The following PCP4 variants were observed in gnomAD, a reference collection of about 807,000 sequenced individuals.
The protein encoded by PCP4 is Purkinje cell protein 4.
A neutral mutation model predicts 10.0 loss-of-function variants in PCP4; 8 were observed. The observed-to-expected ratio is 0.80, with a 90% confidence interval of 0.47 to 1.45. The LOEUF is 1.45. Ranked by LOEUF, PCP4 falls within the 40% of genes most tolerant of loss-of-function variation. The probability of loss-of-function intolerance (pLI) is 0.00; values close to 1 mark genes in which losing one functional copy is unlikely to be tolerated. For synonymous variants in PCP4, 21 were observed against 23.0 expected (o/e 0.91, Z 0.24); for missense variants, 54 against 74.4 (o/e 0.73, Z 1.01).
chr21:39,900,477 A>T (rs1374171352), intron 2 of PCP4, among the ~76,000 whole-genome samples: 2 of 152,158 alleles, frequency 1.3e-5, no homozygotes, highest in Non-Finnish European at 2.9e-5. Context: ...TGAAGAAAAG[A>T]CCTGGAGCCA....
chr21:39,883,719 A>T (rs1218366921), intron 1 of PCP4: 1 of 152,208 alleles, frequency 6.6e-6, no homozygotes, highest in Admixed American at 6.5e-5. Flanking sequence ...TGAGGAGCAG[A>T]ATCATTTATT....
intron 1 of PCP4, among the ~76,000 whole-genome samples, chr21:39,881,388 A>G (rs987721170): frequency 6.6e-6 from 1 of 152,234 alleles, no homozygotes; most frequent in African/African-American, 2.4e-5. Flanking sequence ...TTGCGGGAAC[A>G]GTGGCATTAG....
chr21:39,876,246 C>G (rs2087345084), intron 1 of PCP4, among the ~76,000 whole-genome samples: 1 of 152,116 alleles, frequency 6.6e-6, no homozygotes. Context: ...AGCCAAGACT[C>G]TGCACCCATT....
rs1475443806 is a variant in PCP4 at position 39,867,492 on chromosome 21, T to C, written c.-10T>C. ...GAGCGGCGGGACTGAGCTGTTGAGT[T>C]AGAGCCAACATGAGTGAGGTGAGTG... On this transcript the variant is annotated 5_prime_UTR_variant, in exon 1 of 3. Coordinates refer to ENST00000328619, the MANE Select transcript of PCP4 (RefSeq NM_006198.3). 6.2e-7 allele frequency: 1 copy of C among 1,614,150 alleles called. No homozygotes were observed. The highest frequency in any genetic ancestry group is 8.5e-7 in the Non-Finnish European group (1 of 1,179,990).
chr21:39,920,063 G>C (rs2087588207), intron 2 of PCP4, among the ~76,000 whole-genome samples: 2 of 145,070 alleles, frequency 1.4e-5, no homozygotes, highest in Middle Eastern at 4.2e-3. Context: ...TGTGTAGGGT[G>C]TGTTTGTGTG....
chr21:39,908,967 T>C (rs897353709), intron 2 of PCP4, among the ~76,000 whole-genome samples: 3 of 152,240 alleles, frequency 2.0e-5, no homozygotes, highest in Admixed American at 6.5e-5. Flanking sequence ...CATCTCCTTA[T>C]TTAAATTGCA....
chr21:39,911,006 C>T (rs775289954), intron 2 of PCP4, among the ~76,000 whole-genome samples: 11 of 151,368 alleles, frequency 7.3e-5, no homozygotes, highest in Non-Finnish European at 1.0e-4. Context: ...GGGCGCTTGT[C>T]GAATTCTGAC....
intron 1 of PCP4, among the ~76,000 whole-genome samples, chr21:39,881,259 T>C (rs1372832967): frequency 6.6e-6 from 1 of 152,140 alleles, no homozygotes; most frequent in Non-Finnish European, 1.5e-5. Context: ...TGTTTATTAT[T>C]ATACCAAAAA....
intron 1 of PCP4, among the ~76,000 whole-genome samples, chr21:39,870,176 C>T (rs2087313078): frequency 6.6e-6 from 1 of 152,236 alleles, no homozygotes; most frequent in Admixed American, 6.5e-5. Context: ...GGCAGCTTTA[C>T]AACAAGACGT....
intron 2 of PCP4, among the ~76,000 whole-genome samples, chr21:39,910,997 G>A (rs2087537261): frequency 6.6e-6 from 1 of 151,850 alleles, no homozygotes; most frequent in African/African-American, 2.4e-5. Context: ...ATTGTCTTTG[G>A]GCGCTTGTCG....
Position 39,877,653 on chromosome 21 carries a change from T to C in PCP4, c.9+10143T>C, listed in dbSNP as rs759388566. 2.0e-3 allele frequency among the ~76,000 whole-genome samples: 302 copies of C among 152,124 alleles called. 4 individuals are homozygous for C. Among genetic ancestry groups the C allele is most frequent in the Non-Finnish European group, 2.9e-4 (20 of 68,000 alleles). On this transcript the variant is annotated intron_variant, in intron 1 of 2. Transcript: ENST00000328619. ...TGGAGGTTGCAGTGAGCCATGATCA[T>C]GCCACTGCACTCCAGCCTGGACAAC...
Position 39,897,161 on chromosome 21 carries a change from G to C in PCP4, c.10-1315G>C, listed in dbSNP as rs559323429. The stretch of plus-strand genomic sequence containing the variant: ...TCCCAGCACTTTGGGAGGCCGAGGC[G>C]GGTGGATCATGGGGTCACGAGTTCG... On this transcript the variant is annotated intron_variant, in intron 1 of 2. Coordinates refer to ENST00000328619, the MANE Select transcript of PCP4 (RefSeq NM_006198.3). 1.1e-4 allele frequency among the ~76,000 whole-genome samples: 17 copies of C among 152,082 alleles called. No individual in the cohort carries two copies. The South Asian group carries it at 3.5e-3, about 32-fold the overall frequency.
At chr21:39,893,399 T>C (rs1204100509) in intron 1 of PCP4, among the ~76,000 whole-genome samples, 4 of 152,246 alleles carry the variant, frequency 2.6e-5, no homozygotes, top group Admixed American at 2.6e-4. Context: ...ACCCATTTGT[T>C]ATTTAGATTC....
chr21:39,909,336 T>A (rs1471957969), intron 2 of PCP4, among the ~76,000 whole-genome samples: 1 of 152,226 alleles, frequency 6.6e-6, no homozygotes, highest in Non-Finnish European at 1.5e-5. Flanking sequence ...TGTTGTTCCG[T>A]GTCGCTGCTC....
chr21:39,893,334 C>T (rs1179368900), intron 1 of PCP4, among the ~76,000 whole-genome samples: 2 of 151,548 alleles, frequency 1.3e-5, no homozygotes, highest in South Asian at 2.1e-4. Flanking sequence ...TTATGGATAC[C>T]GGGCATGTAT....
At chr21:39,902,926 T>C (rs1352978130) in intron 2 of PCP4, among the ~76,000 whole-genome samples, 1 of 152,220 alleles carries the variant, frequency 6.6e-6, no homozygotes, top group Non-Finnish European at 1.5e-5. Context: ...TTTAAATGGC[T>C]AAATTAAATT....
At chr21:39,928,702 A>G (rs1175354229) in intron 2 of PCP4, among the ~76,000 whole-genome samples, 2 of 152,206 alleles carry the variant, frequency 1.3e-5, no homozygotes, top group African/African-American at 2.4e-5. Flanking sequence ...AAAACCATAT[A>G]TCAAGATGGT....
chr21:39,921,649 A>G (rs1389229046), intron 2 of PCP4, among the ~76,000 whole-genome samples: 1 of 152,138 alleles, frequency 6.6e-6, no homozygotes, highest in African/African-American at 2.4e-5. Context: ...CTACATTTGG[A>G]GATGGTTAAA....
chr21:39,921,617 C>T (rs1253644926), intron 2 of PCP4, among the ~76,000 whole-genome samples: 1 of 152,180 alleles, frequency 6.6e-6, no homozygotes, highest in Admixed American at 6.5e-5. Flanking sequence ...GAAGCTCTAA[C>T]CTCTGGTACC....
Sources: allele counts gnomAD v4.1 joint callset (sites outside exome capture counted in the v4.1 genomes callset), GRCh38; gene constraint gnomAD v4.1.1; transcripts MANE v1.5; gene names NCBI Gene and HGNC (gene_info 2026-07-23, HGNC 2026-07-21).